NDFIP1: variants seen among roughly 807,000 people sequenced by gnomAD.
NDFIP1 encodes the protein Nedd4 family interacting protein 1, also known as NEDD4 family-interacting protein 1.
A neutral mutation model predicts 28.8 loss-of-function variants in NDFIP1; 7 were observed. The observed-to-expected ratio is 0.24, with a 90% CI of 0.14 to 0.46. The LOEUF (loss-of-function observed/expected upper bound fraction) is 0.46. Ranked by LOEUF, NDFIP1 falls within the 20% of genes least tolerant of loss-of-function variation. The probability of loss-of-function intolerance (pLI) is 0.99; values close to 1 mark genes in which losing one functional copy is unlikely to be tolerated. For synonymous variants in NDFIP1, 92 were observed against 101.0 expected (o/e 0.91, Z 0.53); for missense variants, 194 against 269.1 (o/e 0.72, Z 1.95).
intron 1 of NDFIP1, among the ~76,000 whole-genome samples, chr5:142,129,081 A>G (rs1362050456): frequency 6.6e-6 from 1 of 152,222 alleles, no homozygotes; most frequent in Non-Finnish European, 1.5e-5. Flanking sequence ...AGCTCAGGAA[A>G]TATAAAACGG....
At chr5:142,149,953 G>A (rs993986835) in intron 7 of NDFIP1, among the ~76,000 whole-genome samples, 11 of 152,222 alleles carry the variant, frequency 7.2e-5, no homozygotes, top group East Asian at 1.9e-4. Flanking sequence ...AAGCCAAGGC[G>A]GGCAGATCAC....
Position 142,136,231 on chromosome 5 carries a change from C to T in NDFIP1, c.370+414C>T, listed in dbSNP as rs144950513. Among the ~76,000 whole-genome samples the T allele has an allele frequency of 1.9e-3, 289 of 152,250 alleles. 2 individuals carry two copies. The highest frequency in any genetic ancestry group is 3.4e-3 in the Non-Finnish European group (232 of 68,006). ...TGATTTTCTCCCTTCATGTTACTTG[C>T]CATTTATCTTTTTGTGTGCCTCACA... On this transcript the variant is annotated intron_variant, in intron 4 of 7. Transcript: ENST00000253814.
At chr5:142,129,645 G>A (rs1003782073) in intron 1 of NDFIP1, among the ~76,000 whole-genome samples, 1 of 152,112 alleles carries the variant, frequency 6.6e-6, no homozygotes, top group Non-Finnish European at 1.5e-5. Flanking sequence ...AATGGATTGT[G>A]GCCGGGCACA....
At chr5:142,124,865 G>A (rs1243208003) in intron 1 of NDFIP1, among the ~76,000 whole-genome samples, 4 of 150,940 alleles carry the variant, frequency 2.7e-5, no homozygotes, top group East Asian at 2.0e-4. Flanking sequence ...CGCCTCTGTC[G>A]CCCAGGCGGG....
chr5:142,136,735 A>T (rs1757279206), intron 4 of NDFIP1, among the ~76,000 whole-genome samples: 1 of 144,676 alleles, frequency 6.9e-6, no homozygotes, highest in Admixed American at 7.0e-5. Flanking sequence ...AGCCTGGGGG[A>T]CAAGAGTGAG....
intron 1 of NDFIP1, among the ~76,000 whole-genome samples, chr5:142,128,628 T>C (rs1171729387): frequency 6.6e-6 from 1 of 152,240 alleles, no homozygotes; most frequent in African/African-American, 2.4e-5. Context: ...AACAGCTTTC[T>C]TGATGGAGCC....
intron 1 of NDFIP1, among the ~76,000 whole-genome samples, chr5:142,111,248 G>A (rs1041677248): frequency 4.0e-5 from 6 of 150,600 alleles, no homozygotes; most frequent in African/African-American, 1.5e-4. Flanking sequence ...AGGCATGCTA[G>A]ATAAATAATG....
chr5:142,139,572 T>A (rs984280149), intron 5 of NDFIP1, among the ~76,000 whole-genome samples: 3 of 152,166 alleles, frequency 2.0e-5, no homozygotes, highest in Admixed American at 1.3e-4. Flanking sequence ...GAAAGAACTG[T>A]TTTTTTCTTT....
chr5:142,117,987 G>T (rs1265665245), intron 1 of NDFIP1, among the ~76,000 whole-genome samples: 1 of 151,834 alleles, frequency 6.6e-6, no homozygotes, highest in Middle Eastern at 3.4e-3. Context: ...TTCCCCCACT[G>T]ACCTCCCAAG....
intron 1 of NDFIP1, among the ~76,000 whole-genome samples, chr5:142,112,230 C>A (rs1249317120): frequency 6.6e-6 from 1 of 151,314 alleles, no homozygotes; most frequent in African/African-American, 2.4e-5. Flanking sequence ...ATTAAAAATA[C>A]AAAAATTAGC....
chr5:142,137,026 G>A (rs1040094525), intron 4 of NDFIP1, among the ~76,000 whole-genome samples: 5 of 145,644 alleles, frequency 3.4e-5, no homozygotes, highest in Non-Finnish European at 7.4e-5. Context: ...AGCCAAGGTC[G>A]TGCTACTGCA....
At chr5:142,121,585 T>A (rs1360516828) in intron 1 of NDFIP1, among the ~76,000 whole-genome samples, 1 of 152,202 alleles carries the variant, frequency 6.6e-6, no homozygotes, top group Non-Finnish European at 1.5e-5. Context: ...CCTTAGTTGC[T>A]TTGTAAGGCC....
chr5:142,140,684 G>C, intron 6 of NDFIP1, 55 bp downstream of exon 6: 1 of 1,378,322 alleles, frequency 7.3e-7, no homozygotes, highest in African/African-American at 1.4e-5. Context: ...AATTTTATAA[G>C]TAAAATTACT....
intron 5 of NDFIP1, among the ~76,000 whole-genome samples, chr5:142,138,888 T>TC (rs1262076459): frequency 2.6e-5 from 4 of 151,542 alleles, no homozygotes; most frequent in African/African-American, 9.7e-5. Context: ...CAGTCTTTTT[T>TC]TTTTTTCAAA....
At chr5:142,138,472 CT>C (rs1172477217) in intron 5 of NDFIP1, among the ~76,000 whole-genome samples, 4 of 152,170 alleles carry the variant, frequency 2.6e-5, no homozygotes, top group African/African-American at 9.7e-5. Context: ...TTAAAGTATC[CT>C]CTGATTTCAG....
rs145589513 is a variant in NDFIP1, at chr5:142,114,681, T to C, written c.63+5644T>C. 1.1e-4 allele frequency among the ~76,000 whole-genome samples: 16 copies of C among 152,298 alleles called. No homozygotes were observed. In the East Asian group the frequency reaches 2.9e-3, roughly 27 times the overall value. The stretch of plus-strand genomic sequence containing the variant: ...AATGGTATGATATTTCAAGAAGATA[T>C]CACATGAGGAATATATCATGAGAGC... On this transcript the variant is annotated intron_variant, in intron 1 of 7. Coordinates refer to ENST00000253814, the MANE Select transcript of NDFIP1 (RefSeq NM_030571.4).
chr5:142,118,271 G>T (rs1349903075), intron 1 of NDFIP1, among the ~76,000 whole-genome samples: 1 of 152,156 alleles, frequency 6.6e-6, no homozygotes, highest in Non-Finnish European at 1.5e-5. Flanking sequence ...ATGATATAAT[G>T]TGGTAATGTT....
chr5:142,138,079 A>C lies in NDFIP1; in HGVS notation c.495+221A>C, dbSNP rs534675140. On this transcript the variant is annotated intron_variant, in intron 5 of 7. Coordinates refer to ENST00000253814, the MANE Select transcript of NDFIP1 (RefSeq NM_030571.4). ...TCTATTGAAAACTGGTCTATCATTA[A>C]TATTGTTCACCATCTGCTTTGTTTG... 3.4e-3 allele frequency: 1,468 copies of C among 427,446 alleles called. 5 individuals are homozygous for C. Among genetic ancestry groups the C allele is most frequent in the Non-Finnish European group, 4.5e-3 (1,082 of 240,780 alleles). The allele number at this position is 427,446 out of a possible 1,614,324, so 26.5% of individuals were successfully genotyped here. A position where few individuals can be genotyped will look rare whatever the true frequency, so the allele number is the denominator to read the frequency against.
chr5:142,108,990 G>A lies in NDFIP1; in HGVS notation c.16G>A (p.Ala6Thr). MALAL[A>T]ALAAVEPACG... ...CGGCTGCGCCATGGCGTTGGCGTTG[G>A]CGGCGCTGGCGGCGGTCGAGCCGGC... is the stretch of plus-strand genomic sequence containing the variant. The change falls in exon 1 of 8, where the codon GCG becomes ACG. Residue 6 changes from alanine (A) to threonine (T), a missense_variant. Physicochemically the swap from Ala to Thr is moderately conservative, Grantham distance 58 (BLOSUM62 0). Transcript: ENST00000253814. The A allele has an allele frequency of 6.9e-7, 1 of 1,444,956 alleles. No individual in the cohort carries two copies. Among genetic ancestry groups the A allele is most frequent in the Non-Finnish European group, 9.1e-7 (1 of 1,102,100 alleles). 89.5% of individuals were successfully genotyped at this position (1,444,956 alleles called of 1,614,324 possible).
Sources: allele counts gnomAD v4.1 joint callset (sites outside exome capture counted in the v4.1 genomes callset), GRCh38; gene constraint gnomAD v4.1.1; transcripts MANE v1.5; gene names NCBI Gene and HGNC (gene_info 2026-07-23, HGNC 2026-07-21).